Variants in PGGHG observed in about 807,000 individuals in gnomAD.
The protein encoded by PGGHG is protein-glucosylgalactosylhydroxylysine glucosidase.
Under a neutral mutation model 74.5 loss-of-function variants are expected in PGGHG, and 67 were observed. The observed-to-expected ratio is 0.90, with a 90% CI of 0.74 to 1.10. The LOEUF (loss-of-function observed/expected upper bound fraction) is 1.10, where lower values mean the gene tolerates loss of function less well. Ranked by LOEUF, PGGHG falls within the 50% of genes least tolerant of loss-of-function variation. PGGHG has a pLI of 0.00. For synonymous variants in PGGHG, 496 were observed against 419.9 expected, an observed-to-expected ratio of 1.18 and a Z score of -2.21; for missense variants, 1,034 against 981.5, an observed-to-expected ratio of 1.05 and a Z score of -0.72.
chr11:293,946 C>T (rs1041051691), intron 11 of PGGHG, 21 bp downstream of exon 11: 4 of 1,605,882 alleles, frequency 2.5e-6, no homozygotes, highest in African/African-American at 1.3e-5. Flanking sequence ...CCACACCTGC[C>T]TCCCACTGGG....
At chr11:291,740 C>T (rs981891449) in intron 4 of PGGHG, 4 of 522,936 alleles carry the variant, frequency 7.6e-6, no homozygotes, top group Non-Finnish European at 3.2e-6. Context: ...CCTCTGAGGC[C>T]ACACAAACGC....
chr11:290,095 C>T lies in PGGHG; in HGVS notation c.259+20C>T, dbSNP rs1173728981. The T allele has an allele frequency of 2.9e-5, 43 of 1,508,218 alleles. No homozygotes were observed. Among genetic ancestry groups the T allele is most frequent in the Non-Finnish European group, 3.7e-5 (42 of 1,129,482 alleles). The allele number at this position is 1,508,218 out of a possible 1,614,324, so 93.4% of individuals were successfully genotyped here. A position where few individuals can be genotyped will look rare whatever the true frequency, so the allele number is the denominator to read the frequency against. ...ACACAGGTAGCGCCACCTGGCCTGC[C>T]TCACCCCTGCCCCAGGCATTGTTCC... On this transcript the variant is annotated intron_variant, in intron 2 of 13. Transcript: ENST00000409548.
In PGGHG at chr11:290,711, G is replaced by GC. The variant is rs1202547291; in HGVS notation, c.507dup (p.Gly170ArgfsTer24). 1 of 1,604,278 alleles carries GC rather than the reference G, an allele frequency of 6.2e-7. No individual in the cohort carries two copies. Among genetic ancestry groups the GC allele is most frequent in the Non-Finnish European group, 8.5e-7 (1 of 1,174,254 alleles). On this transcript the variant is annotated frameshift_variant, in exon 4 of 14. Transcript: ENST00000409548. LOFTEE classifies it high-confidence loss of function. Reference sequence around the variant, plus strand: ...ATGGCCACACCCTCACCCCTGAGCAGCCCGGGGGGCCACAGCAAGAGGTAC... The same window carrying GC: ...ATGGCCACACCCTCACCCCTGAGCAGCCCCGGGGGGCCACAGCAAGAGGTAC...
Position 294,801 on chromosome 11 carries a change from C to T in PGGHG, c.*52C>T, listed in dbSNP as rs756988793. The T allele has an allele frequency of 3.7e-5, 56 of 1,518,438 alleles. No homozygotes were observed. The African/African-American group carries it at 7.5e-4, about 20-fold the overall frequency. 94.1% of individuals were successfully genotyped at this position (1,518,438 alleles called of 1,614,324 possible). A position where few individuals can be genotyped will look rare whatever the true frequency, so the allele number is the denominator to read the frequency against. On this transcript the variant is annotated 3_prime_UTR_variant, in exon 14 of 14. Coordinates refer to ENST00000409548, the MANE Select transcript of PGGHG (RefSeq NM_025092.5). Reference sequence around the variant, plus strand: ...TCTTGGGCCTTCCCTCTGGCCACGTCTGCACCCACCCCTCCTGGGCACCCT... The same window carrying T: ...TCTTGGGCCTTCCCTCTGGCCACGTTTGCACCCACCCCTCCTGGGCACCCT...
chr11:293,072 C>T (rs760645336), intron 7 of PGGHG, 75 bp downstream of exon 7: 1 of 1,613,838 alleles, frequency 6.2e-7, no homozygotes, highest in Non-Finnish European at 8.5e-7. Flanking sequence ...TTTCAGACAC[C>T]TCACGTGTGC....
In PGGHG at chr11:290,863, TGCAGCTGCAGGCCA is replaced by T; in HGVS notation, c.658_671del (p.Gln220GlyfsTer67). On this transcript the variant is annotated frameshift_variant, in exon 4 of 14. Transcript: ENST00000409548. LOFTEE classifies it high-confidence loss of function. ...GCTCAGGCCTGCCTCACTGAGGCCC[TGCAGCTGCAGGCCA>T]GGGGAGCTCTGTATACGGCTCACGC... The T allele has an allele frequency of 6.2e-7, 1 of 1,611,406 alleles. No individual in the cohort carries two copies. The highest frequency in any genetic ancestry group is 8.5e-7 in the Non-Finnish European group (1 of 1,179,162).
Position 292,541 on chromosome 11 carries a change from C to T in PGGHG, c.1027-5C>T, listed in dbSNP as rs772016792. Reference sequence around the variant, plus strand: ...GGTCAAGTCTGCCCCCTCCCAACCCCTCAGGGAGCCAAGTTTGCCTGGGAG... The same window carrying T: ...GGTCAAGTCTGCCCCCTCCCAACCCTTCAGGGAGCCAAGTTTGCCTGGGAG... On this transcript the variant is annotated splice_region_variant and splice_polypyrimidine_tract_variant and intron_variant, in intron 5 of 13. Coordinates refer to ENST00000409548, the MANE Select transcript of PGGHG (RefSeq NM_025092.5). 1.2e-6 allele frequency: 2 copies of T among 1,613,118 alleles called. No individual in the cohort carries two copies. The highest frequency in any genetic ancestry group is 2.2e-5 in the East Asian group (1 of 44,882).
chr11:290,441 T>C lies in PGGHG; in HGVS notation c.311T>C (p.Ile104Thr), dbSNP rs950791533. Residue 104 changes from isoleucine to threonine, a missense_variant, in exon 3 of 14, where the codon ATC becomes ACC. Ile to Thr is a moderately conservative substitution (Grantham distance 89). Transcript: ENST00000409548. Reference sequence around the variant, plus strand: ...CCCCGCTTCCGGGCCTCCCAGTGCATCTATGCGCATCGCACGCTGCCCCAC... The same window carrying C: ...CCCCGCTTCCGGGCCTCCCAGTGCACCTATGCGCATCGCACGCTGCCCCAC... ...EGPRFRASQC[I>T]YAHRTLPHVL... 1.4e-5 allele frequency: 21 copies of C among 1,549,120 alleles called. No individual in the cohort carries two copies. In the Middle Eastern group the frequency reaches 1.9e-3, roughly 143 times the overall value.
intron 7 of PGGHG, 82 bp downstream of exon 7, chr11:293,079 G>A (rs764338395): frequency 1.9e-6 from 3 of 1,613,830 alleles, no homozygotes; most frequent in Admixed American, 3.3e-5. Context: ...CACCTCACGT[G>A]TGCCAGCCCC....
At chr11:294,224 C>A in intron 12 of PGGHG, 28 bp downstream of exon 12, 2 of 1,594,336 alleles carry the variant, frequency 1.3e-6, no homozygotes, top group Non-Finnish European at 1.7e-6. Flanking sequence ...CAGAGGGCAG[C>A]CCATGCCCCC....
At chr11:292,506 C>G (rs895113759) in intron 5 of PGGHG, 40 bp from the exon 6 acceptor site, 1 of 1,603,804 alleles carries the variant, frequency 6.2e-7, no homozygotes, top group Non-Finnish European at 8.5e-7. Context: ...CCACCGCTCC[C>G]CTCCAACAAG....
In PGGHG at chr11:289,958, G is replaced by A; in HGVS notation, c.142G>A (p.Gly48Arg). 2 of 1,550,356 alleles carry A rather than the reference G, an allele frequency of 1.3e-6. No individual in the cohort carries two copies. Among genetic ancestry groups the A allele is most frequent in the South Asian group, 1.2e-5 (1 of 84,062 alleles). ...GCTGCACGTGAGCGGCGTGTACAATGGGGCTGGCGGGGACACGCACCGGGC... is the reference window on the plus strand; with the variant it reads ...GCTGCACGTGAGCGGCGTGTACAATAGGGCTGGCGGGGACACGCACCGGGC... The part of the protein sequence containing the change: ...DTLHVSGVYN[G>R]AGGDTHRAML... Residue 48 changes from glycine (G) to arginine (R), a missense_variant, in exon 2 of 14, where the codon GGG (glycine) becomes AGG (arginine). By Grantham distance (125) the Gly-to-Arg change is moderately radical. Coordinates refer to ENST00000409548, the MANE Select transcript of PGGHG (RefSeq NM_025092.5). The surrounding 1 kb of genome is among the most constrained non-coding windows in gnomAD (Gnocchi z 5.6).
chr11:294,936 G>A lies in PGGHG; in HGVS notation c.*187G>A. 1 of 654,286 alleles carries A rather than the reference G, an allele frequency of 1.5e-6. No homozygotes were observed. The highest frequency in any genetic ancestry group is 3.3e-5 in the Admixed American group (1 of 30,602). The allele number at this position is 654,286 out of a possible 1,614,324, so 40.5% of individuals were successfully genotyped here. On this transcript the variant is annotated 3_prime_UTR_variant, in exon 14 of 14. Transcript: ENST00000409548. ...GCCTGGACTCCCGTGGACCCCCGTG[G>A]GCAGGTGGCTTCCCCGTGGCATCTC...
At chr11:290,216 G>T in intron 2 of PGGHG, 141 bp downstream of exon 2, 2 of 1,384,700 alleles carry the variant, frequency 1.4e-6, no homozygotes, top group African/African-American at 1.5e-5. Context: ...AGGCCCGCAG[G>T]GTCCCCCCTT....
At chr11:291,169 G>C (rs1024624364) in intron 4 of PGGHG, 56 bp downstream of exon 4, 2 of 1,501,312 alleles carry the variant, frequency 1.3e-6, no homozygotes, top group Admixed American at 4.3e-5. Flanking sequence ...GGAGGTCCAC[G>C]GTCTCTGCCC....
chr11:294,877 C>A lies in PGGHG; in HGVS notation c.*128C>A. 2 of 1,163,844 alleles carry A rather than the reference C, an allele frequency of 1.7e-6. No individual in the cohort carries two copies. Among genetic ancestry groups the A allele is most frequent in the South Asian group, 1.7e-5 (1 of 60,196 alleles). The allele number at this position is 1,163,844 out of a possible 1,614,324, so 72.1% of individuals were successfully genotyped here. ...GCCAGGCTCTCAGGGAAGGTCCATG[C>A]TGCTTGGCCTGAGTTCAAGGCTTTC... On this transcript the variant is annotated 3_prime_UTR_variant, in exon 14 of 14. Transcript: ENST00000409548.
At position 290,798 on chromosome 11, in the gene PGGHG, G is replaced by A. The variant is rs753503749; in HGVS notation, c.591G>A (p.Thr197=). The A allele has an allele frequency of 2.9e-5, 46 of 1,612,580 alleles. No homozygotes were observed. The East Asian group carries it at 2.9e-4, about 10-fold the overall frequency. ...LTLGEGEEAR[T]WDFLTAVGGS... is the part of the protein sequence containing the mutation. ...TTGGGGAAGGTGAGGAGGCTAGGACGTGGGACTTCCTGACAGCAGTGGGCG... is the reference window on the plus strand; with the variant it reads ...TTGGGGAAGGTGAGGAGGCTAGGACATGGGACTTCCTGACAGCAGTGGGCG... Residue 197 remains threonine (T), a synonymous_variant, in exon 4 of 14, where the codon ACG becomes ACA. Coordinates refer to ENST00000409548, the MANE Select transcript of PGGHG (RefSeq NM_025092.5).
At chr11:291,347 G>A (rs895048530) in intron 4 of PGGHG, 3 of 514,996 alleles carry the variant, frequency 5.8e-6, no homozygotes, top group Non-Finnish European at 1.0e-5. Context: ...CGTGGGGAGG[G>A]GCCTCCACCA....
chr11:294,714 A>C lies in PGGHG; in HGVS notation c.2179A>C (p.Thr727Pro), dbSNP rs1281584886. 1 of 1,610,254 alleles carries C rather than the reference A, an allele frequency of 6.2e-7. No homozygotes were observed. Residue 727 changes from threonine (T) to proline (P), a missense_variant, in exon 14 of 14, where the codon ACC becomes CCC. Physicochemically the swap from Thr to Pro is conservative, Grantham distance 38. Transcript: ENST00000409548. ...GGTCACCCTGGGTTCCTCCAGCCCC[A>C]CCGAGTCACTCACTGTGGACCCTGC... ...LWVTLGSSSP[T>P]ESLTVDPASE
Sources: allele counts gnomAD v4.1 joint callset, GRCh38; gene constraint gnomAD v4.1.1; non-coding constraint Gnocchi (gnomAD v3.1); transcripts MANE v1.5; gene names NCBI Gene and HGNC (gene_info 2026-07-23, HGNC 2026-07-21).